Variants in ICE2 observed in about 807,000 individuals in gnomAD.
ICE2 encodes little elongation complex subunit 2.
In ICE2, 87 loss-of-function variants were observed where a neutral mutation model predicts 105.4. The ratio of observed to expected loss-of-function variants is 0.83; its 90% confidence interval spans 0.69 to 0.99. The LOEUF (loss-of-function observed/expected upper bound fraction) is 0.99. Among genes scored for constraint, ICE2 ranks in the 50% least tolerant of loss-of-function variants. The pLI is 0.00. For synonymous variants in ICE2, 399 were observed against 392.0 expected (o/e 1.02, Z -0.21); for missense variants, 1,323 against 1,146.7 (o/e 1.15, Z -2.22).
At position 60,468,215 on chromosome 15, in the gene ICE2, A is replaced by G. The variant is rs760469941; in HGVS notation, c.254T>C (p.Val85Ala). 11 of 1,613,938 alleles carry G rather than the reference A, an allele frequency of 6.8e-6. No homozygotes were observed. The Admixed American group carries it at 1.5e-4, about 22-fold the overall frequency. Reference protein sequence around the residue: ...KEKVKTTIGMVLLPKPRVPYP... With the variant: ...KEKVKTTIGMALLPKPRVPYP... ...AGGAACTCTTGGTTTTGGAAGAAGAACCATTCCAATTGTGGTTTTAACTTT... is the reference window on the plus strand; with the variant it reads ...AGGAACTCTTGGTTTTGGAAGAAGAGCCATTCCAATTGTGGTTTTAACTTT... The change falls in exon 4 of 16, where the codon GTT (valine) becomes GCT (alanine). Residue 85 changes from valine to alanine, a missense_variant. By Grantham distance (64) the Val-to-Ala change is moderately conservative. Coordinates refer to ENST00000261520, the MANE Select transcript of ICE2 (RefSeq NM_024611.6).
At position 60,436,801 on chromosome 15, in the gene ICE2, TATC is replaced by T. The variant is rs1480428681; in HGVS notation, c.2426-577_2426-575del. Reference sequence around the variant, plus strand: ...TATCATAATTATGATATTTATGTATTATCATAATATGTATTTTTATGTTAATAC... The same window carrying T: ...TATCATAATTATGATATTTATGTATTATAATATGTATTTTTATGTTAATAC... On this transcript the variant is annotated intron_variant, in intron 12 of 15. Coordinates refer to ENST00000261520, the MANE Select transcript of ICE2 (RefSeq NM_024611.6). 7.2e-5 allele frequency among the ~76,000 whole-genome samples: 11 copies of T among 151,890 alleles called. No homozygotes were observed. The East Asian group carries it at 1.5e-3, about 21-fold the overall frequency.
intron 3 of ICE2, among the ~76,000 whole-genome samples, chr15:60,472,053 T>A (rs903745821): frequency 4.1e-5 from 6 of 147,892 alleles, no homozygotes; most frequent in Non-Finnish European, 7.5e-5. Context: ...AAACTTTAAT[T>A]AAAAAAAAAA....
chr15:60,475,396 T>C (rs1257667041), intron 3 of ICE2, among the ~76,000 whole-genome samples: 1 of 152,194 alleles, frequency 6.6e-6, no homozygotes, highest in African/African-American at 2.4e-5. Flanking sequence ...AACAATTCAA[T>C]TTCTGTGAGT....
chr15:60,436,141 A>T lies in ICE2; in HGVS notation c.2510+2T>A. 7.5e-7 allele frequency: 1 copy of T among 1,340,916 alleles called. No homozygotes were observed. The highest frequency in any genetic ancestry group is 1.0e-6 in the Non-Finnish European group (1 of 983,734). The allele number at this position is 1,340,916 out of a possible 1,614,324, so 83.1% of individuals were successfully genotyped here. Reference sequence around the variant, plus strand: ...TTCTCACCACAAAGTAAACTTTCTTACTTGAGTGCTGAAAGCTTTTCTTTT... The same window carrying T: ...TTCTCACCACAAAGTAAACTTTCTTTCTTGAGTGCTGAAAGCTTTTCTTTT... On this transcript the variant is annotated splice_donor_variant, in intron 13 of 15. Coordinates refer to ENST00000261520, the MANE Select transcript of ICE2 (RefSeq NM_024611.6). LOFTEE classifies it high-confidence loss of function.
rs923723006 is a variant in ICE2, at chr15:60,420,115, T to C, written c.*3519A>G. 6.6e-6 allele frequency: 1 copy of C among 151,242 alleles called. No individual in the cohort carries two copies. Among genetic ancestry groups the C allele is most frequent in the Non-Finnish European group, 1.5e-5 (1 of 67,922 alleles). The allele number at this position is 151,242 out of a possible 1,614,324, so 9.4% of individuals were successfully genotyped here. A position where few individuals can be genotyped will look rare whatever the true frequency, so the allele number is the denominator to read the frequency against. On this transcript the variant is annotated 3_prime_UTR_variant, in exon 16 of 16. Transcript: ENST00000261520. ...TTCAGCAAATTGGTTATAACCAATA[T>C]AGCACACAAACCTAGAATCCAAAAG...
At chr15:60,474,193 T>C (rs1421490583) in intron 3 of ICE2, among the ~76,000 whole-genome samples, 1 of 152,122 alleles carries the variant, frequency 6.6e-6, no homozygotes, top group Non-Finnish European at 1.5e-5. Flanking sequence ...CCACTGAGCC[T>C]GGACTAAAAT....
intron 8 of ICE2, among the ~76,000 whole-genome samples, chr15:60,454,130 A>C (rs1340142673): frequency 6.6e-6 from 1 of 152,198 alleles, no homozygotes; most frequent in African/African-American, 2.4e-5. Flanking sequence ...ATTTAACTCT[A>C]ATTTGTAGTT....
intron 15 of ICE2, among the ~76,000 whole-genome samples, chr15:60,424,611 G>A (rs574951552): frequency 3.9e-5 from 6 of 152,258 alleles, no homozygotes; most frequent in Non-Finnish European, 1.5e-5. Flanking sequence ...GGGTTCAAGC[G>A]ATTCTCCTGA....
At chr15:60,433,522 G>C (rs2063510290) in intron 13 of ICE2, among the ~76,000 whole-genome samples, 2 of 149,716 alleles carry the variant, frequency 1.3e-5, no homozygotes, top group African/African-American at 2.5e-5. Flanking sequence ...GATGAGTCTT[G>C]CTCTTTTTGC....
rs763073760 is a variant in ICE2, at chr15:60,423,752, G to A, written c.2831C>T (p.Thr944Met). 8.2e-6 allele frequency: 13 copies of A among 1,589,770 alleles called. No individual in the cohort carries two copies. The highest frequency in any genetic ancestry group is 4.5e-5 in the East Asian group (2 of 44,552). The change falls in exon 16 of 16, where the codon ACG becomes ATG. Residue 944 changes from threonine to methionine, a missense_variant. Thr to Met is a moderately conservative substitution (Grantham distance 81). Transcript: ENST00000261520. ...CCTGTGGCTGCGTGTAGGCATTCTC[G>A]TTCCACCAATCTAAGAGATGAAGCA... ...DTTTQQKIGG[T>M]RMPTRSHRNP...
In ICE2 at chr15:60,479,000, C is replaced by T; in HGVS notation, c.-93+3G>A. On this transcript the variant is annotated splice_donor_region_variant and intron_variant, in intron 1 of 15. Transcript: ENST00000261520. ...TGGGCTGCAACACAGCCTTTCCGCCCACCTCATGGTCCGCGGCGGCTCTTG... is the reference window on the plus strand; with the variant it reads ...TGGGCTGCAACACAGCCTTTCCGCCTACCTCATGGTCCGCGGCGGCTCTTG... 1 of 456,020 alleles carries T rather than the reference C, an allele frequency of 2.2e-6. No homozygotes were observed. Among genetic ancestry groups the T allele is most frequent in the Non-Finnish European group, 4.4e-6 (1 of 226,734 alleles). The allele number at this position is 456,020 out of a possible 1,614,324, so 28.2% of individuals were successfully genotyped here.
intron 5 of ICE2, among the ~76,000 whole-genome samples, chr15:60,465,462 T>C (rs757115558): frequency 6.6e-6 from 1 of 152,104 alleles, no homozygotes; most frequent in Non-Finnish European, 1.5e-5. Context: ...GCTGAAACAA[T>C]AGGTGTGAGT....
Position 60,467,527 on chromosome 15 carries a change from G to C in ICE2, c.408+534C>G, listed in dbSNP as rs193047017. On this transcript the variant is annotated intron_variant, in intron 4 of 15. Coordinates refer to ENST00000261520, the MANE Select transcript of ICE2 (RefSeq NM_024611.6). ...TTCGATTTTCTTTTACCTTACCCCT[G>C]TAGGATTAGAGAAGATAGTTTTTTC... Among the ~76,000 whole-genome samples, 9 of 152,212 alleles carry C rather than the reference G, an allele frequency of 5.9e-5. No individual in the cohort carries two copies. In the East Asian group the frequency reaches 1.5e-3, roughly 26 times the overall value.
rs1313077696 is a variant in ICE2 at position 60,466,672 on chromosome 15, T to G, written c.450A>C (p.Leu150=). The change falls in exon 5 of 16, where the codon CTA becomes CTC. Residue 150 remains leucine (L), a synonymous_variant. Transcript: ENST00000261520. ...KHVNEEVTEF[L]KFLQNSAKKC... ...TCTTTGCAGAATTCTGCAAAAACTT[T>G]AGGAACTCAGTAACTTCTTCGTTCA... The G allele has an allele frequency of 1.2e-6, 2 of 1,610,466 alleles. No homozygotes were observed. Among genetic ancestry groups the G allele is most frequent in the East Asian group, 2.2e-5 (1 of 44,806 alleles).
At position 60,432,068 on chromosome 15, in the gene ICE2, C is replaced by A. The variant is rs1011870902; in HGVS notation, c.2511-84G>T. The A allele has an allele frequency of 9.1e-6, 6 of 656,776 alleles. No homozygotes were observed. In the Admixed American group the frequency reaches 1.1e-4, roughly 12 times the overall value. The allele number at this position is 656,776 out of a possible 1,614,324, so 40.7% of individuals were successfully genotyped here. ...TATAGCTCCTCAGGCAGAGAAATGC[C>A]CTCAATAACAACAACAAAAACAGCG... On this transcript the variant is annotated intron_variant, in intron 13 of 15. Transcript: ENST00000261520.
chr15:60,451,390 G>C, intron 9 of ICE2: 2 of 944,220 alleles, frequency 2.1e-6, no homozygotes, highest in South Asian at 9.8e-5. Flanking sequence ...ATCTGATAAA[G>C]TCTTATTCTA....
At chr15:60,457,362 T>C (rs933991504) in intron 5 of ICE2, among the ~76,000 whole-genome samples, 11 of 152,194 alleles carry the variant, frequency 7.2e-5, no homozygotes, top group Non-Finnish European at 1.2e-4. Context: ...GAGAATAATA[T>C]GTGCCACTTC....
At chr15:60,436,856 A>C (rs1166739264) in intron 12 of ICE2, among the ~76,000 whole-genome samples, 1 of 151,980 alleles carries the variant, frequency 6.6e-6, no homozygotes, top group Non-Finnish European at 1.5e-5. Flanking sequence ...AATTATGTTG[A>C]TAATTATGTA....
intron 11 of ICE2, among the ~76,000 whole-genome samples, chr15:60,447,018 A>C (rs973450869): frequency 6.6e-6 from 1 of 152,256 alleles, no homozygotes; most frequent in Non-Finnish European, 1.5e-5. Context: ...TACACACAAA[A>C]AAATGCAAAC....
Sources: allele counts gnomAD v4.1 joint callset (sites outside exome capture counted in the v4.1 genomes callset), GRCh38; gene constraint gnomAD v4.1.1; transcripts MANE v1.5; gene names NCBI Gene and HGNC (gene_info 2026-07-23, HGNC 2026-07-21).